The following KATNA1 variants were observed in gnomAD, a reference collection of about 807,000 sequenced individuals.
KATNA1 encodes the protein katanin catalytic subunit A1.
KATNA1 carries 42 observed loss-of-function variants against 62.6 expected under a neutral mutation model. The observed-to-expected ratio is 0.67, with a 90% CI of 0.52 to 0.87. The LOEUF (loss-of-function observed/expected upper bound fraction) is 0.87. Ranked by LOEUF, KATNA1 falls within the 40% of genes least tolerant of loss-of-function variation. KATNA1 has a pLI of 0.00. For synonymous variants in KATNA1, 186 were observed against 201.9 expected, an observed-to-expected ratio of 0.92 and a Z score of 0.67; for missense variants, 498 against 612.5, an observed-to-expected ratio of 0.81 and a Z score of 1.97.
In KATNA1 at chr6:149,594,928, A is replaced by G; in HGVS notation, c.*108T>C. Reference sequence around the variant, plus strand: ...GAATCATAAGGGTTTTTTTAAAAAAATCTTACCATTATGAAAGTTAAAAAA... The same window carrying G: ...GAATCATAAGGGTTTTTTTAAAAAAGTCTTACCATTATGAAAGTTAAAAAA... On this transcript the variant is annotated 3_prime_UTR_variant, in exon 11 of 11. Coordinates refer to ENST00000367411, the MANE Select transcript of KATNA1 (RefSeq NM_007044.4). The G allele has an allele frequency of 1.2e-6, 1 of 849,386 alleles. No individual in the cohort carries two copies. The highest frequency in any genetic ancestry group is 1.8e-6 in the Non-Finnish European group (1 of 569,614). 52.6% of individuals were successfully genotyped at this position (849,386 alleles called of 1,614,324 possible).
Position 149,603,363 on chromosome 6 carries a change from C to G in KATNA1, c.634G>C (p.Ala212Pro), listed in dbSNP as rs751701073. The change falls in exon 6 of 11, where the codon GCT becomes CCT. Residue 212 changes from alanine to proline, a missense_variant. This residue lies in a region of KATNA1 where 267 missense variants were observed against 372.6 expected (regional missense o/e 0.72). Transcript: ENST00000367411. Reference sequence around the variant, plus strand: ...AACTTTTTAGCTTCTACTAAATCAGCGATATCATCCCTGAAAGAGAAGACA... The same window carrying G: ...AACTTTTTAGCTTCTACTAAATCAGGGATATCATCCCTGAAAGAGAAGACA... ...QNPNVRWDDIADLVEAKKLLK... is the reference protein window; with the variant it reads ...QNPNVRWDDIPDLVEAKKLLK... 1 of 1,535,258 alleles carries G rather than the reference C, an allele frequency of 6.5e-7. No homozygotes were observed. Among genetic ancestry groups the G allele is most frequent in the South Asian group, 1.1e-5 (1 of 87,704 alleles).
chr6:149,633,046 G>A, intron 2 of KATNA1, 130 bp from the exon 3 acceptor site: 1 of 559,684 alleles, frequency 1.8e-6, no homozygotes. Flanking sequence ...ACCACATCAA[G>A]ATATTCTATC....
intron 4 of KATNA1, among the ~76,000 whole-genome samples, chr6:149,615,098 A>G (rs1205808385): frequency 7.5e-6 from 1 of 132,614 alleles, no homozygotes; most frequent in Non-Finnish European, 1.5e-5. Flanking sequence ...GTGTCACTGC[A>G]CTCCAGGCTG....
chr6:149,615,441 G>A (rs1779132780), intron 4 of KATNA1, among the ~76,000 whole-genome samples: 1 of 151,942 alleles, frequency 6.6e-6, no homozygotes, highest in Non-Finnish European at 1.5e-5. Flanking sequence ...CTGAGCTCAG[G>A]CAATCTGCCT....
At chr6:149,629,082 C>T (rs1582795586) in intron 3 of KATNA1, among the ~76,000 whole-genome samples, 1 of 151,932 alleles carries the variant, frequency 6.6e-6, no homozygotes, top group African/African-American at 2.4e-5. Context: ...AACTTCCCAC[C>T]ACCCCTCAGA....
chr6:149,605,682 G>A (rs891178572), intron 4 of KATNA1, among the ~76,000 whole-genome samples: 2 of 152,192 alleles, frequency 1.3e-5, no homozygotes. Context: ...AACATCTGTT[G>A]AACACTGTGT....
chr6:149,618,226 C>A (rs1467700951), intron 4 of KATNA1, among the ~76,000 whole-genome samples: 1 of 150,640 alleles, frequency 6.6e-6, no homozygotes, highest in East Asian at 1.9e-4. Context: ...TCCTGTAATC[C>A]CAGCACTTTG....
chr6:149,612,008 A>C (rs2115100784), intron 4 of KATNA1, among the ~76,000 whole-genome samples: 1 of 152,068 alleles, frequency 6.6e-6, no homozygotes, highest in Admixed American at 6.6e-5. Flanking sequence ...TCAAAAAATA[A>C]AAAAAGCATA....
At chr6:149,622,163 C>T (rs947921746) in intron 4 of KATNA1, among the ~76,000 whole-genome samples, 1 of 150,170 alleles carries the variant, frequency 6.7e-6, no homozygotes, top group East Asian at 1.9e-4. Context: ...GACGGAGTCT[C>T]GCTCTGTCGC....
At chr6:149,633,931 T>C (rs1042147072) in intron 2 of KATNA1, among the ~76,000 whole-genome samples, 17 of 151,930 alleles carry the variant, frequency 1.1e-4, no homozygotes, top group Non-Finnish European at 1.8e-4. Flanking sequence ...CACTCCAGCC[T>C]GGGCAACAAG....
chr6:149,603,872 T>G (rs928473482), intron 5 of KATNA1, among the ~76,000 whole-genome samples: 3 of 152,198 alleles, frequency 2.0e-5, no homozygotes, highest in Non-Finnish European at 2.9e-5. Flanking sequence ...CTCCAACCAC[T>G]AGAATACCTA....
intron 7 of KATNA1, among the ~76,000 whole-genome samples, chr6:149,601,135 AT>A (rs1778529101): frequency 6.6e-6 from 1 of 152,190 alleles, no homozygotes; most frequent in Admixed American, 6.5e-5. Context: ...TGGTACTCTG[AT>A]TTGTATTGGT....
In KATNA1 at chr6:149,595,162, T is replaced by C; in HGVS notation, c.1350A>G (p.Lys450=). ...TAGTTGTAGGCATGTGCATTTCTTCTTTGGAAAGATTTCGGATTTCCTCTG... is the reference window on the plus strand; with the variant it reads ...TAGTTGTAGGCATGTGCATTTCTTCCTTGGAAAGATTTCGGATTTCCTCTG... ...LTPEEIRNLS[K]EEMHMPTTME... Residue 450 remains lysine, a synonymous_variant, in exon 11 of 11, where the codon AAA becomes AAG. Transcript: ENST00000367411. 1 of 1,614,114 alleles carries C rather than the reference T, an allele frequency of 6.2e-7. No individual in the cohort carries two copies. Among genetic ancestry groups the C allele is most frequent in the South Asian group, 1.1e-5 (1 of 91,078 alleles).
chr6:149,613,161 C>A (rs1562286832), intron 4 of KATNA1, among the ~76,000 whole-genome samples: 1 of 93,228 alleles, frequency 1.1e-5, no homozygotes, highest in Non-Finnish European at 1.9e-5. Context: ...GCCTGGGCAA[C>A]AGAGCGAGAC....
intron 1 of KATNA1, among the ~76,000 whole-genome samples, chr6:149,644,075 C>T (rs1437972722): frequency 6.6e-6 from 1 of 152,090 alleles, no homozygotes; most frequent in Non-Finnish European, 1.5e-5. Flanking sequence ...CAGCTCATCC[C>T]TTCCAAGCTG....
Position 149,632,768 on chromosome 6 carries a change from A to G in KATNA1, c.311T>C (p.Val104Ala). 6.2e-7 allele frequency: 1 copy of G among 1,602,002 alleles called. No homozygotes were observed. Among genetic ancestry groups the G allele is most frequent in the South Asian group, 1.1e-5 (1 of 88,578 alleles). Residue 104 changes from valine (V) to alanine (A), a missense_variant, in exon 3 of 11, where the codon GTT becomes GCT. By Grantham distance (64) the Val-to-Ala change is moderately conservative (BLOSUM62 0). Around this residue, in one of 3 missense-constraint regions of KATNA1, gnomAD observed 203 missense variants for 198.4 expected, o/e 1.02. Coordinates refer to ENST00000367411, the MANE Select transcript of KATNA1 (RefSeq NM_007044.4). ...AAAGGTTTCCACTTACCTTCGTTCA[A>G]CAGGTACAGGCATGGACCAGACTTC... The part of the protein sequence containing the change: ...EGEVWSMPVP[V>A]ERRPSPGPRK...
intron 1 of KATNA1, among the ~76,000 whole-genome samples, chr6:149,641,142 T>G (rs1780267487): frequency 1.3e-5 from 2 of 151,296 alleles, no homozygotes. Flanking sequence ...AGTGCTGGGA[T>G]TACAGGTGTG....
chr6:149,631,125 T>C (rs973516494), intron 3 of KATNA1, among the ~76,000 whole-genome samples: 13 of 151,962 alleles, frequency 8.6e-5, no homozygotes, highest in Non-Finnish European at 1.8e-4. Context: ...CCAGGCCGGG[T>C]GTGGTGGCTC....
intron 4 of KATNA1, among the ~76,000 whole-genome samples, chr6:149,608,067 A>AAAAAAC (rs1188812069): frequency 2.0e-5 from 3 of 152,238 alleles, no homozygotes; most frequent in Non-Finnish European, 4.4e-5. Context: ...CTCCGTCTCA[A>AAAAAAC]AAAAACAAAA....
Sources: gnomAD v4.1 joint callset for allele counts (sites outside exome capture counted in the v4.1 genomes callset) on GRCh38, gnomAD v4.1.1 for gene constraint, gnomAD v4.1.1 regional missense constraint, MANE v1.5 for transcripts, NCBI Gene and HGNC (gene_info 2026-07-23, HGNC 2026-07-21) for gene names.